Variants in GFM1 observed in about 807,000 individuals in gnomAD.
The protein encoded by GFM1 is elongation factor G, mitochondrial.
Under a neutral mutation model 96.2 loss-of-function variants are expected in GFM1, and 62 were observed. The ratio of observed to expected loss-of-function variants is 0.64; its 90% CI spans 0.53 to 0.80. GFM1 has a LOEUF of 0.80. Ranked by LOEUF, GFM1 falls within the 30% of genes least tolerant of loss-of-function variation. The pLI is 0.00. For missense variants in GFM1, 852 were observed against 916.6 expected, an observed-to-expected ratio of 0.93 and a Z score of 0.91; for synonymous variants, 282 against 312.9, an observed-to-expected ratio of 0.90 and a Z score of 1.04.
Position 158,652,093 on chromosome 3 carries a change from T to C in GFM1, c.690-3T>C. On this transcript the variant is annotated splice_polypyrimidine_tract_variant and splice_region_variant and intron_variant, in intron 5 of 17. Transcript: ENST00000486715. The stretch of plus-strand genomic sequence containing the variant: ...TAAAGCACCAAAATATTTGCTTTCT[T>C]AGTCAGATTGTTCGATATGGTGAGA... 1 of 1,613,930 alleles carries C rather than the reference T, an allele frequency of 6.2e-7. No homozygotes were observed. Among genetic ancestry groups the C allele is most frequent in the Non-Finnish European group, 8.5e-7 (1 of 1,179,778 alleles).
intron 15 of GFM1, chr3:158,685,221 C>T (rs1286831662): frequency 6.5e-6 from 1 of 153,194 alleles, no homozygotes; most frequent in African/African-American, 2.4e-5. Context: ...GAACTAGAAC[C>T]TTATGCAGTT....
chr3:158,666,841 C>T, intron 13 of GFM1: 1 of 1,430,602 alleles, frequency 7.0e-7, no homozygotes, highest in Non-Finnish European at 9.6e-7. Flanking sequence ...ACAGTCTTCA[C>T]AAAGAATAGT....
chr3:158,649,386 T>G, intron 5 of GFM1: 1 of 393,784 alleles, frequency 2.5e-6, no homozygotes, highest in Non-Finnish European at 4.7e-6. Flanking sequence ...CATATCACAT[T>G]ATGGCATGCA....
At position 158,653,294 on chromosome 3, in the gene GFM1, T is replaced by A; in HGVS notation, c.841-16T>A. The A allele has an allele frequency of 6.2e-7, 1 of 1,604,648 alleles. No individual in the cohort carries two copies. Among genetic ancestry groups the A allele is most frequent in the Non-Finnish European group, 8.5e-7 (1 of 1,172,606 alleles). On this transcript the variant is annotated splice_polypyrimidine_tract_variant and intron_variant, in intron 6 of 17. Coordinates refer to ENST00000486715, the MANE Select transcript of GFM1 (RefSeq NM_024996.7). The stretch of plus-strand genomic sequence containing the variant: ...AATTTTAACATTAACTACCATTAAA[T>A]TGTTTTCTTTTGTAGCTAGCAATTC...
intron 13 of GFM1, among the ~76,000 whole-genome samples, chr3:158,680,639 G>T (rs1336483242): frequency 6.6e-6 from 1 of 152,184 alleles, no homozygotes; most frequent in Non-Finnish European, 1.5e-5. Context: ...CATTGGGCAA[G>T]TTACTTAGTC....
chr3:158,679,693 T>G (rs1214974099), intron 13 of GFM1, among the ~76,000 whole-genome samples: 1 of 152,214 alleles, frequency 6.6e-6, no homozygotes, highest in Non-Finnish European at 1.5e-5. Context: ...GTTGTCGTTG[T>G]GCATGTGAGT....
chr3:158,662,668 T>C lies in GFM1; in HGVS notation c.1364T>C (p.Met455Thr), dbSNP rs772875063. The C allele has an allele frequency of 6.3e-7, 1 of 1,596,256 alleles. No individual in the cohort carries two copies. Among genetic ancestry groups the C allele is most frequent in the East Asian group, 2.2e-5 (1 of 44,642 alleles). Residue 455 changes from methionine to threonine, a missense_variant, in exon 11 of 18, where the codon ATG becomes ACG. By Grantham distance (81) the Met-to-Thr change is moderately conservative. Coordinates refer to ENST00000486715, the MANE Select transcript of GFM1 (RefSeq NM_024996.7). ...CCTGATCCTGTCATTTCAATAGCAATGAAGCCTTCTAACAAGGTAGGAGTT... is the reference window on the plus strand; with the variant it reads ...CCTGATCCTGTCATTTCAATAGCAACGAAGCCTTCTAACAAGGTAGGAGTT... ...HVPDPVISIA[M>T]KPSNKNDLEK...
Position 158,646,929 on chromosome 3 carries a change from G to A in GFM1, c.554G>A (p.Arg185Lys). Residue 185 changes from arginine (R) to lysine (K), a missense_variant, in exon 4 of 18, where the codon AGG (arginine) becomes AAG (lysine). By Grantham distance (26) the Arg-to-Lys change is conservative (BLOSUM62 2). Coordinates refer to ENST00000486715, the MANE Select transcript of GFM1 (RefSeq NM_024996.7). ...KLDRMGSNPA[R>K]ALQQMRSKLN... ...GACCGAATGGGCTCCAACCCAGCCA[G>A]GGCCCTGCAGCAAATGAGGTAATGA... is the stretch of plus-strand genomic sequence containing the variant. 1 of 1,614,068 alleles carries A rather than the reference G, an allele frequency of 6.2e-7. No homozygotes were observed. Among genetic ancestry groups the A allele is most frequent in the African/African-American group, 1.3e-5 (1 of 75,042 alleles).
At chr3:158,672,471 ATT>A (rs1183934566) in intron 13 of GFM1, 6 of 1,613,894 alleles carry the variant, frequency 3.7e-6, no homozygotes, top group Non-Finnish European at 5.1e-6. Flanking sequence ...GGTCGGCGGG[ATT>A]TCCATTCCGG....
intron 8 of GFM1, chr3:158,656,919 C>T (rs1200723784): frequency 6.6e-6 from 1 of 152,102 alleles, no homozygotes; most frequent in Non-Finnish European, 1.5e-5. Flanking sequence ...TACAAGACGC[C>T]TCAGGCTTAT....
chr3:158,672,631 C>T (rs193227781), intron 13 of GFM1: 1,501 of 863,952 alleles, frequency 1.7e-3, no homozygotes, highest in Non-Finnish European at 2.4e-3. Flanking sequence ...CTCCTTCCGA[C>T]TCCGGAAGCT....
Position 158,690,316 on chromosome 3 carries a change from AT to A in GFM1, c.2064del (p.Tyr688Ter), listed in dbSNP as rs1726209700. On this transcript the variant is annotated frameshift_variant, in exon 16 of 18. Transcript: ENST00000486715. LOFTEE classifies it high-confidence loss of function. ...QDGVEDYFTL[Y>X]ADVPLNDMFG... ...GGAGTTGAGGACTATTTTACACTGT[AT>A]GCAGATGTAAGTAGTCTTGGTCATT... 1 of 1,613,540 alleles carries A rather than the reference AT, an allele frequency of 6.2e-7. No homozygotes were observed. The highest frequency in any genetic ancestry group is 8.5e-7 in the Non-Finnish European group (1 of 1,179,578).
chr3:158,677,244 T>TTC (rs574820554), intron 13 of GFM1, among the ~76,000 whole-genome samples: 10 of 151,994 alleles, frequency 6.6e-5, no homozygotes, highest in Middle Eastern at 3.4e-3. Context: ...TGCTTGCACA[T>TTC]TCTCTCTCTC....
chr3:158,650,808 G>T (rs62286654), intron 5 of GFM1: 26,947 of 152,034 alleles, frequency 0.18, 2,458 homozygotes, highest in Non-Finnish European at 0.22. Context: ...AGATCACGAG[G>T]TCAGGAGATA....
chr3:158,666,518 C>T, intron 13 of GFM1, 132 bp downstream of exon 13: 2 of 1,149,150 alleles, frequency 1.7e-6, no homozygotes, highest in Admixed American at 3.7e-5. Context: ...CTATAAAGTT[C>T]TATACTGTAA....
chr3:158,652,785 C>T (rs1383812293), intron 6 of GFM1, among the ~76,000 whole-genome samples: 1 of 152,200 alleles, frequency 6.6e-6, no homozygotes. Context: ...CGTAATAGAG[C>T]ATACGTTCAT....
chr3:158,672,751 A>T lies in GFM1; in HGVS notation c.1601+6365A>T, dbSNP rs17698034. ...TTCCTTACTCCGCCTGCTGGTTCCT[A>T]CTGGAGGAGAGGCCAGCATGCTTGT... On this transcript the variant is annotated intron_variant, in intron 13 of 17. Coordinates refer to ENST00000486715, the MANE Select transcript of GFM1 (RefSeq NM_024996.7). 1.1e-5 allele frequency: 4 copies of T among 354,154 alleles called. No homozygotes were observed. The East Asian group carries it at 2.5e-4, about 22-fold the overall frequency. 21.9% of individuals were successfully genotyped at this position (354,154 alleles called of 1,614,324 possible). A position where few individuals can be genotyped will look rare whatever the true frequency, so the allele number is the denominator to read the frequency against.
At chr3:158,662,908 A>G (rs1723308524) in intron 11 of GFM1, among the ~76,000 whole-genome samples, 2 of 152,318 alleles carry the variant, frequency 1.3e-5, no homozygotes, top group Non-Finnish European at 2.9e-5. Flanking sequence ...ACCTGACTGT[A>G]CTTTATAACT....
intron 14 of GFM1, 73 bp from the exon 15 acceptor site, chr3:158,684,451 A>G (rs1725663169): frequency 6.8e-7 from 1 of 1,473,482 alleles, no homozygotes; most frequent in Non-Finnish European, 9.5e-7. Context: ...GAACACAAAT[A>G]TTTTGGGGTT....
Sources: gnomAD v4.1 joint callset for allele counts (sites outside exome capture counted in the v4.1 genomes callset) on GRCh38, gnomAD v4.1.1 for gene constraint, MANE v1.5 for transcripts, NCBI Gene and HGNC (gene_info 2026-07-23, HGNC 2026-07-21) for gene names.